CIC: variants seen among roughly 807,000 people sequenced by gnomAD.
CIC encodes the protein capicua transcriptional repressor.
CIC carries 18 observed loss-of-function variants against 115.7 expected under a neutral mutation model. That is an observed-to-expected ratio of 0.16 (90% CI 0.11 to 0.23). The LOEUF (loss-of-function observed/expected upper bound fraction) is 0.23, where lower values mean the gene tolerates loss of function less well. Ranked by LOEUF, CIC falls within the 10% of genes least tolerant of loss-of-function variation. The pLI is 1.00. For missense variants in CIC, 2,000 were observed against 2,159.3 expected (o/e 0.93, Z 1.46); for synonymous variants, 1,076 against 923.0 (o/e 1.17, Z -3.01).
Position 42,290,217 on chromosome 19 carries a change from C to T in CIC, c.4192-16C>T, listed in dbSNP as rs1276183774. The T allele has an allele frequency of 1.9e-6, 3 of 1,613,908 alleles. No individual in the cohort carries two copies. The highest frequency in any genetic ancestry group is 3.3e-5 in the Admixed American group (2 of 59,998). Reference sequence around the variant, plus strand: ...GGAGTGTCCTGACCTGGGGTGTCTCCCTTCCTTTCATGCAGGGCTTTGGTC... The same window carrying T: ...GGAGTGTCCTGACCTGGGGTGTCTCTCTTCCTTTCATGCAGGGCTTTGGTC... On this transcript the variant is annotated splice_polypyrimidine_tract_variant and intron_variant, in intron 10 of 20. Transcript: ENST00000681038.
Position 42,292,614 on chromosome 19 carries a change from T to C in CIC, c.5951T>C (p.Val1984Ala), listed in dbSNP as rs756125359. ...CCCGGTCAGGTGGGCGTGTCACCTGTGCCCAGTCCCCAGCTGCCGCCTGCC... is the reference window on the plus strand; with the variant it reads ...CCCGGTCAGGTGGGCGTGTCACCTGCGCCCAGTCCCCAGCTGCCGCCTGCC... ...LAPGQVGVSP[V>A]PSPQLPPACA... The change falls in exon 15 of 21, where the codon GTG (valine) becomes GCG (alanine). Residue 1984 changes from valine to alanine, a missense_variant. Val to Ala is a moderately conservative substitution (Grantham distance 64). This residue lies in a region of CIC where 1,466 missense variants were observed against 1,390.4 expected (regional missense o/e 1.05). Coordinates refer to ENST00000681038, the MANE Select transcript of CIC (RefSeq NM_001386298.1). 4 of 1,613,444 alleles carry C rather than the reference T, an allele frequency of 2.5e-6. No homozygotes were observed. Among genetic ancestry groups the C allele is most frequent in the Non-Finnish European group, 8.5e-7 (1 of 1,179,924 alleles).
Position 42,290,823 on chromosome 19 carries a change from C to A in CIC, c.4782C>A (p.Pro1594=). Residue 1594 remains proline (P), a synonymous_variant, in exon 11 of 21, where the codon CCC becomes CCA. Coordinates refer to ENST00000681038, the MANE Select transcript of CIC (RefSeq NM_001386298.1). ...VVRPVSSTPV[P]IASKPFPTSG... ...GGCCTGTCAGCAGCACTCCTGTGCC[C>A]ATCGCCTCTAAGCCCTTCCCCACCT... 1 of 1,608,856 alleles carries A rather than the reference C, an allele frequency of 6.2e-7. No homozygotes were observed. The highest frequency in any genetic ancestry group is 8.5e-7 in the Non-Finnish European group (1 of 1,177,978).
At chr19:42,268,772 G>A (rs139781504), upstream of CIC, among the ~76,000 whole-genome samples, 189 of 152,368 alleles carry the variant, frequency 1.2e-3, no homozygotes, top group Non-Finnish European at 2.1e-3. Context: ...GAAGACTACG[G>A]TTCCCAGCAG....
In CIC at chr19:42,287,419, T is replaced by A. The variant is rs202120202; in HGVS notation, c.3279T>A (p.Ser1093=). ...LSALPKERDS[S]SEKDGRSPNK... Reference sequence around the variant, plus strand: ...CCCTACCCAAGGAACGGGACTCATCTTCTGAGAAGGATGGACGCAGCCCCA... The same window carrying A: ...CCCTACCCAAGGAACGGGACTCATCATCTGAGAAGGATGGACGCAGCCCCA... Residue 1093 remains serine (S), a synonymous_variant, in exon 5 of 21, where the codon TCT becomes TCA. Coordinates refer to ENST00000681038, the MANE Select transcript of CIC (RefSeq NM_001386298.1). This position sits in a 1 kb window ranked among gnomAD's most constrained non-coding sequence, Gnocchi z 8.7. The A allele has an allele frequency of 3.7e-6, 6 of 1,613,952 alleles. No homozygotes were observed. The East Asian group carries it at 1.1e-4, about 30-fold the overall frequency.
chr19:42,282,334 C>T (rs981625283), intron 2 of CIC, among the ~76,000 whole-genome samples: 2 of 152,192 alleles, frequency 1.3e-5, no homozygotes, highest in African/African-American at 2.4e-5. Flanking sequence ...GGAAAGGGCT[C>T]GTCTGCTCCT....
intron 2 of CIC, among the ~76,000 whole-genome samples, chr19:42,286,400 C>T (rs2037644362): frequency 2.6e-5 from 4 of 151,788 alleles, no homozygotes; most frequent in African/African-American, 7.3e-5. Context: ...GGTGGGGGTC[C>T]CAGCCCGTAG....
chr19:42,273,451 G>T lies in CIC; in HGVS notation c.1668G>T (p.Thr556=). Residue 556 remains threonine (T), a synonymous_variant, in exon 2 of 21, where the codon ACG becomes ACT. Transcript: ENST00000681038. ...CCGTGGCAGCCCGTGAGGGCAGCAC[G>T]GAGTTTGACTGGGGTGATGAGACGT... ...PAAVAAREGS[T]EFDWGDETSR... is the part of the protein sequence containing the mutation. 2.5e-6 allele frequency: 1 copy of T among 398,520 alleles called. No homozygotes were observed. 24.7% of individuals were successfully genotyped at this position (398,520 alleles called of 1,614,324 possible).
chr19:42,292,283 T>C lies in CIC; in HGVS notation c.5736-17T>C. On this transcript the variant is annotated splice_polypyrimidine_tract_variant and intron_variant, in intron 13 of 20. Coordinates refer to ENST00000681038, the MANE Select transcript of CIC (RefSeq NM_001386298.1). ...GCCGGCTTACCTCACTCCTCCCCAT[T>C]TCCTCTCCTGCGGCAGAATCACCTA... The C allele has an allele frequency of 6.2e-7, 1 of 1,613,304 alleles. No homozygotes were observed. The highest frequency in any genetic ancestry group is 2.2e-5 in the East Asian group (1 of 44,878).
Position 42,293,717 on chromosome 19 carries a change from C to A in CIC, c.6648C>A (p.Ser2216Arg). ...CAGCTGTAGCCCCTGGTGGCAGCAG[C>A]GAGAGCAGCAGTGGGCGGGCAGCCG... ...PAPAVAPGGS[S>R]ESSSGRAAGD... The change falls in exon 17 of 21, where the codon AGC (serine) becomes AGA (arginine). Residue 2216 changes from serine to arginine, a missense_variant. Physicochemically the swap from Ser to Arg is moderately radical, Grantham distance 110. Around this residue, in one of 8 missense-constraint regions of CIC, gnomAD observed 1,466 missense variants for 1,390.4 expected, o/e 1.05. Transcript: ENST00000681038. 6.2e-7 allele frequency: 1 copy of A among 1,612,854 alleles called. No individual in the cohort carries two copies. The highest frequency in any genetic ancestry group is 8.5e-7 in the Non-Finnish European group (1 of 1,179,786).
rs2038187314 is a variant in CIC, at chr19:42,292,312, G to T, written c.5748G>T (p.Val1916=). 7 of 1,613,206 alleles carry T rather than the reference G, an allele frequency of 4.3e-6. No individual in the cohort carries two copies. In the East Asian group the frequency reaches 1.6e-4, roughly 36 times the overall value. ...LLPSSTRITY[V]QSAGGHALPL... Reference sequence around the variant, plus strand: ...TCTCCTGCGGCAGAATCACCTATGTGCAGTCAGCGGGCGGGCACGCGCTGC... The same window carrying T: ...TCTCCTGCGGCAGAATCACCTATGTTCAGTCAGCGGGCGGGCACGCGCTGC... Residue 1916 remains valine, a synonymous_variant, in exon 14 of 21, where the codon GTG becomes GTT. Coordinates refer to ENST00000681038, the MANE Select transcript of CIC (RefSeq NM_001386298.1).
Position 42,287,580 on chromosome 19 carries a change from C to T in CIC, c.3345C>T (p.Ala1115=), listed in dbSNP as rs1254864872. The change falls in exon 6 of 21, where the codon GCC becomes GCT. Residue 1115 remains alanine (A), a synonymous_variant. Coordinates refer to ENST00000681038, the MANE Select transcript of CIC (RefSeq NM_001386298.1). This position sits in a 1 kb window ranked among gnomAD's most constrained non-coding sequence, Gnocchi z 8.7. Reference sequence around the variant, plus strand: ...ACCACATCCGGCGGCCCATGAATGCCTTCATGATCTTCAGCAAGCGGCACC... The same window carrying T: ...ACCACATCCGGCGGCCCATGAATGCTTTCATGATCTTCAGCAAGCGGCACC... ...EKDHIRRPMN[A]FMIFSKRHRA... is the part of the protein sequence containing the mutation. The T allele has an allele frequency of 1.9e-6, 3 of 1,613,824 alleles. No individual in the cohort carries two copies. The highest frequency in any genetic ancestry group is 2.5e-6 in the Non-Finnish European group (3 of 1,180,042).
chr19:42,288,855 C>T (rs1227933947), intron 7 of CIC, 33 bp from the exon 8 acceptor site: 1 of 1,589,716 alleles, frequency 6.3e-7, no homozygotes, highest in Admixed American at 1.7e-5. Context: ...GACAGGCTTA[C>T]TGACTGTCAT....
Position 42,294,991 on chromosome 19 carries a change from A to G in CIC, c.7354A>G (p.Thr2452Ala), listed in dbSNP as rs755607889. The G allele has an allele frequency of 2.0e-5, 31 of 1,587,418 alleles. No individual in the cohort carries two copies. Among genetic ancestry groups the G allele is most frequent in the Non-Finnish European group, 2.4e-5 (28 of 1,175,982 alleles). The change falls in exon 21 of 21, where the codon ACC becomes GCC. Residue 2452 changes from threonine to alanine, a missense_variant. Physicochemically the swap from Thr to Ala is moderately conservative, Grantham distance 58 (BLOSUM62 0). Transcript: ENST00000681038. ...TCTCCCTGTACCGCCCCCCACTGGC[A>G]CCGCTGCTGCCCCTGCCCCCACTCC... ...APLPVPPPTG[T>A]AAAPAPTPSP...
Position 42,291,446 on chromosome 19 carries a change from C to A in CIC, c.5405C>A (p.Pro1802His), listed in dbSNP as rs770767468. Residue 1802 changes from proline (P) to histidine (H), a missense_variant, in exon 11 of 21, where the codon CCC becomes CAC. By Grantham distance (77) the Pro-to-His change is moderately conservative. Around this residue, in one of 8 missense-constraint regions of CIC, gnomAD observed 1,466 missense variants for 1,390.4 expected, o/e 1.05. Coordinates refer to ENST00000681038, the MANE Select transcript of CIC (RefSeq NM_001386298.1). ...TPGIPILQSV[P>H]SAPPPKAQSV... ...GGCATCCCCATCCTGCAGTCTGTAC[C>A]CTCCGCCCCACCCCCCAAAGGTGAG... 1 of 1,613,076 alleles carries A rather than the reference C, an allele frequency of 6.2e-7. No homozygotes were observed. The highest frequency in any genetic ancestry group is 8.5e-7 in the Non-Finnish European group (1 of 1,180,000).
intron 2 of CIC, among the ~76,000 whole-genome samples, chr19:42,275,461 G>A (rs1056352065): frequency 1.3e-5 from 2 of 152,154 alleles, no homozygotes; most frequent in Non-Finnish European, 1.5e-5. Context: ...CGATGGGACA[G>A]CCCCAAGGCC....
intron 2 of CIC, among the ~76,000 whole-genome samples, chr19:42,276,441 G>A (rs1444686228): frequency 1.3e-5 from 2 of 152,196 alleles, no homozygotes; most frequent in South Asian, 2.1e-4. Flanking sequence ...AGGAGGCTGG[G>A]TGTGGATGTG....
intron 7 of CIC, among the ~76,000 whole-genome samples, chr19:42,288,372 C>T (rs537739283): frequency 3.8e-4 from 58 of 152,284 alleles, no homozygotes; most frequent in African/African-American, 1.3e-3. Flanking sequence ...GTTCGGCGGG[C>T]CCCCAGCACC....
rs919580847 is a variant in CIC at position 42,272,986 on chromosome 19, G to A, written c.1203G>A (p.Glu401=). Residue 401 remains glutamate (E), a synonymous_variant, in exon 2 of 21, where the codon GAG becomes GAA. Coordinates refer to ENST00000681038, the MANE Select transcript of CIC (RefSeq NM_001386298.1). The part of the protein sequence containing the change: ...GNLGTHCEEG[E]EKHPPALGTP... ...TGGGTACTCACTGTGAGGAGGGCGA[G>A]GAGAAGCACCCTCCAGCCCTGGGTA... 2.5e-6 allele frequency: 1 copy of A among 398,992 alleles called. No homozygotes were observed. The highest frequency in any genetic ancestry group is 3.6e-5 in the East Asian group (1 of 28,060). The allele number at this position is 398,992 out of a possible 1,614,324, so 24.7% of individuals were successfully genotyped here. A position where few individuals can be genotyped will look rare whatever the true frequency, so the allele number is the denominator to read the frequency against.
intron 7 of CIC, among the ~76,000 whole-genome samples, 199 bp from the exon 8 acceptor site, chr19:42,288,689 C>T (rs2037845082): frequency 6.6e-6 from 1 of 152,098 alleles, no homozygotes; most frequent in African/African-American, 2.4e-5. Flanking sequence ...AATGGGCCTG[C>T]TGCAACCCCA....
Sources: gnomAD v4.1 joint callset for allele counts (sites outside exome capture counted in the v4.1 genomes callset) on GRCh38, gnomAD v4.1.1 for gene constraint, gnomAD v4.1.1 regional missense constraint, Gnocchi (gnomAD v3.1) non-coding constraint, MANE v1.5 for transcripts, NCBI Gene and HGNC (gene_info 2026-07-23, HGNC 2026-07-21) for gene names.